Variants in HEBP2 observed in about 807,000 individuals in gnomAD.
HEBP2 encodes the protein heme binding protein 2.
A neutral mutation model predicts 23.1 loss-of-function variants in HEBP2; 27 were observed. The ratio of observed to expected loss-of-function variants is 1.17; its 90% CI spans 0.86 to 1.61. The LOEUF (loss-of-function observed/expected upper bound fraction) is 1.61, where lower values mean the gene tolerates loss of function less well. HEBP2 is among the 40% of genes most tolerant of loss of function. HEBP2 has a pLI of 0.00. For synonymous variants in HEBP2, 99 were observed against 95.1 expected (o/e 1.04, Z -0.24); for missense variants, 245 against 253.8 (o/e 0.97, Z 0.24).
chr6:138,405,077 C>A (rs1302200473), intron 1 of HEBP2, 68 bp from the exon 2 acceptor site: 20 of 1,545,964 alleles, frequency 1.3e-5, no homozygotes, highest in Non-Finnish European at 1.8e-5. Context: ...ATCATGGCAC[C>A]GGTATTTTTG....
chr6:138,404,599 T>G lies in HEBP2; in HGVS notation c.102+2T>G, dbSNP rs1409529418. On this transcript the variant is annotated splice_donor_variant, in intron 1 of 3. Coordinates refer to ENST00000607197, the MANE Select transcript of HEBP2 (RefSeq NM_014320.3). LOFTEE classifies it high-confidence loss of function. ...GCCCCGGAGGACGCCGGCCCCCAGGTAGGCGCCGACTCGGGAGCGGAGGGG... is the reference window on the plus strand; with the variant it reads ...GCCCCGGAGGACGCCGGCCCCCAGGGAGGCGCCGACTCGGGAGCGGAGGGG... 1.6e-6 allele frequency: 2 copies of G among 1,275,770 alleles called. No individual in the cohort carries two copies. Among genetic ancestry groups the G allele is most frequent in the East Asian group, 6.3e-5 (2 of 31,756 alleles). 79.0% of individuals were successfully genotyped at this position (1,275,770 alleles called of 1,614,324 possible). A position where few individuals can be genotyped will look rare whatever the true frequency, so the allele number is the denominator to read the frequency against.
Position 138,405,239 on chromosome 6 carries a change from T to G in HEBP2, c.197T>G (p.Phe66Cys), listed in dbSNP as rs754550383. Reference sequence around the variant, plus strand: ...TGGGATTCAGCCATCCAGACGGGCTTTACGAAACTGAACAGCTACATTCAA... The same window carrying G: ...TGGGATTCAGCCATCCAGACGGGCTGTACGAAACTGAACAGCTACATTCAA... ...MDWDSAIQTG[F>C]TKLNSYIQGK... The change falls in exon 2 of 4, where the codon TTT (phenylalanine) becomes TGT (cysteine). Residue 66 changes from phenylalanine to cysteine, a missense_variant. By Grantham distance (205) the Phe-to-Cys change is radical. Transcript: ENST00000607197. 1 of 1,614,154 alleles carries G rather than the reference T, an allele frequency of 6.2e-7. No individual in the cohort carries two copies. The highest frequency in any genetic ancestry group is 1.1e-5 in the South Asian group (1 of 91,074).
intron 1 of HEBP2, among the ~76,000 whole-genome samples, 186 bp from the exon 2 acceptor site, chr6:138,404,959 G>A (rs1774614462): frequency 6.6e-6 from 1 of 152,090 alleles, no homozygotes. Flanking sequence ...TAATCGCAAG[G>A]AGGGGAACCT....
At position 138,417,131 on chromosome 6, in the gene HEBP2, T is replaced by A. The variant is rs1487415445; in HGVS notation, c.*4053T>A. 6.6e-6 allele frequency: 1 copy of A among 152,190 alleles called. No homozygotes were observed. Among genetic ancestry groups the A allele is most frequent in the Non-Finnish European group, 1.5e-5 (1 of 68,028 alleles). The allele number at this position is 152,190 out of a possible 1,614,324, so 9.4% of individuals were successfully genotyped here. A position where few individuals can be genotyped will look rare whatever the true frequency, so the allele number is the denominator to read the frequency against. On this transcript the variant is annotated 3_prime_UTR_variant, in exon 4 of 4. Coordinates refer to ENST00000607197, the MANE Select transcript of HEBP2 (RefSeq NM_014320.3). Reference sequence around the variant, plus strand: ...TCCTCCTCCCATTAAAATGGGAGCATACAGAGGTTAGAAAGTAAACGTAGT... The same window carrying A: ...TCCTCCTCCCATTAAAATGGGAGCAAACAGAGGTTAGAAAGTAAACGTAGT...
In HEBP2 at chr6:138,413,179, A is replaced by G; in HGVS notation, c.*101A>G. On this transcript the variant is annotated 3_prime_UTR_variant, in exon 4 of 4. Transcript: ENST00000607197. ...AGTGCGTGTCTAGTGTCTTCTATTG[A>G]GAGTACTACTATTAATTAAGCTTAT... The G allele has an allele frequency of 1.2e-6, 1 of 838,278 alleles. No individual in the cohort carries two copies. Among genetic ancestry groups the G allele is most frequent in the Admixed American group, 2.4e-5 (1 of 40,982 alleles). 51.9% of individuals were successfully genotyped at this position (838,278 alleles called of 1,614,324 possible).
In HEBP2 at chr6:138,422,010, T is replaced by C. The variant is rs1180048418; in HGVS notation, c.*8932T>C. On this transcript the variant is annotated 3_prime_UTR_variant, in exon 4 of 4. Coordinates refer to ENST00000607197, the MANE Select transcript of HEBP2 (RefSeq NM_014320.3). ...CACCTATCTCATTATTCAAAAAAAATGCATGTATAAACAAAAAGAAATATT... is the reference window on the plus strand; with the variant it reads ...CACCTATCTCATTATTCAAAAAAAACGCATGTATAAACAAAAAGAAATATT... 1 of 152,166 alleles carries C rather than the reference T, an allele frequency of 6.6e-6. No individual in the cohort carries two copies. The highest frequency in any genetic ancestry group is 2.4e-5 in the African/African-American group (1 of 41,436). The allele number at this position is 152,166 out of a possible 1,614,324, so 9.4% of individuals were successfully genotyped here.
chr6:138,404,546 C>G lies in HEBP2; in HGVS notation c.51C>G (p.Ala17=). 7.7e-7 allele frequency: 1 copy of G among 1,304,954 alleles called. No individual in the cohort carries two copies. The highest frequency in any genetic ancestry group is 9.7e-7 in the Non-Finnish European group (1 of 1,026,404). The allele number at this position is 1,304,954 out of a possible 1,614,324, so 80.8% of individuals were successfully genotyped here. ...CCGGGGCGGCCGAGGACGCGGCGGC[C>G]CAAGCTGTGGAGACGCCGGGCTGGA... ...PDPGAAEDAA[A]QAVETPGWKA... The change falls in exon 1 of 4, where the codon GCC becomes GCG. Residue 17 remains alanine (A), a synonymous_variant. Coordinates refer to ENST00000607197, the MANE Select transcript of HEBP2 (RefSeq NM_014320.3).
rs1245280530 is a variant in HEBP2 at position 138,418,021 on chromosome 6, A to T, written c.*4943A>T. The T allele has an allele frequency of 6.6e-6, 1 of 152,218 alleles. No individual in the cohort carries two copies. Among genetic ancestry groups the T allele is most frequent in the Non-Finnish European group, 1.5e-5 (1 of 68,040 alleles). The allele number at this position is 152,218 out of a possible 1,614,324, so 9.4% of individuals were successfully genotyped here. On this transcript the variant is annotated 3_prime_UTR_variant, in exon 4 of 4. Coordinates refer to ENST00000607197, the MANE Select transcript of HEBP2 (RefSeq NM_014320.3). ...AGACAAGCCTTGGAAGGATCAAACT[A>T]ATTTCAAGAAACTTAACTGTGAATC...
At position 138,404,301 on chromosome 6, in the gene HEBP2, T is replaced by TGGTGGCGGCGCCCCCTC. The variant is rs1774592181; in HGVS notation, c.-193_-177dup. 5.9e-6 allele frequency: 2 copies of TGGTGGCGGCGCCCCCTC among 339,634 alleles called. No homozygotes were observed. The highest frequency in any genetic ancestry group is 2.2e-5 in the African/African-American group (1 of 46,252). The allele number at this position is 339,634 out of a possible 1,614,324, so 21.0% of individuals were successfully genotyped here. On this transcript the variant is annotated 5_prime_UTR_variant, in exon 1 of 4. Coordinates refer to ENST00000607197, the MANE Select transcript of HEBP2 (RefSeq NM_014320.3). ...CCGGGGTCGTGAGCCGGCCCCGCCT[T>TGGTGGCGGCGCCCCCTC]GGTGGCGGCGCCCCCTCGCGGTCCA...
chr6:138,403,701 A>G (rs1774577877), upstream of HEBP2: 1 of 413,658 alleles, frequency 2.4e-6, no homozygotes, highest in Non-Finnish European at 4.3e-6. Context: ...AAGCCCTGGT[A>G]ACCAAAATTC....
At position 138,418,071 on chromosome 6, in the gene HEBP2, A is replaced by G. The variant is rs1774866835; in HGVS notation, c.*4993A>G. The G allele has an allele frequency of 2.6e-5, 4 of 152,260 alleles. No individual in the cohort carries two copies. The highest frequency in any genetic ancestry group is 2.6e-4 in the Admixed American group (4 of 15,292). The allele number at this position is 152,260 out of a possible 1,614,324, so 9.4% of individuals were successfully genotyped here. On this transcript the variant is annotated 3_prime_UTR_variant, in exon 4 of 4. Coordinates refer to ENST00000607197, the MANE Select transcript of HEBP2 (RefSeq NM_014320.3). ...CAGAATAAAACCCAATACCATTTAT[A>G]GGAATATAACAAAATCCATCAACAA... is the stretch of plus-strand genomic sequence containing the variant.
chr6:138,412,777 C>A, intron 3 of HEBP2, 103 bp from the exon 4 acceptor site: 1 of 951,678 alleles, frequency 1.1e-6, no homozygotes, highest in Non-Finnish European at 1.6e-6. Flanking sequence ...TTTGGAGCTG[C>A]ACTTCACTCA....
chr6:138,411,901 A>G (rs868446455), intron 3 of HEBP2, among the ~76,000 whole-genome samples: 1 of 152,150 alleles, frequency 6.6e-6, no homozygotes, highest in African/African-American at 2.4e-5. Context: ...CTCTGCCACC[A>G]TATTCCAGCC....
Position 138,420,884 on chromosome 6 carries a change from CCTCA to C in HEBP2, c.*7809_*7812del, listed in dbSNP as rs1331910277. The C allele has an allele frequency of 6.6e-6, 1 of 152,198 alleles. No individual in the cohort carries two copies. The highest frequency in any genetic ancestry group is 1.5e-5 in the Non-Finnish European group (1 of 68,046). The allele number at this position is 152,198 out of a possible 1,614,324, so 9.4% of individuals were successfully genotyped here. A position where few individuals can be genotyped will look rare whatever the true frequency, so the allele number is the denominator to read the frequency against. ...TCTAAACTGGCAGTAGGATCATGCC[CCTCA>C]CTGATAGCTCAACCACGTTTTCTAT... is the stretch of plus-strand genomic sequence containing the variant. On this transcript the variant is annotated 3_prime_UTR_variant, in exon 4 of 4. Coordinates refer to ENST00000607197, the MANE Select transcript of HEBP2 (RefSeq NM_014320.3).
At position 138,421,460 on chromosome 6, in the gene HEBP2, A is replaced by G. The variant is rs1774928290; in HGVS notation, c.*8382A>G. 6.6e-6 allele frequency: 1 copy of G among 152,206 alleles called. No homozygotes were observed. The highest frequency in any genetic ancestry group is 1.5e-5 in the Non-Finnish European group (1 of 68,040). The allele number at this position is 152,206 out of a possible 1,614,324, so 9.4% of individuals were successfully genotyped here. On this transcript the variant is annotated 3_prime_UTR_variant, in exon 4 of 4. Transcript: ENST00000607197. Reference sequence around the variant, plus strand: ...AGTAGGATGGCAGAAAGCAGATCGCATTGAGGTTGTTTCCAACTGACAGAC... The same window carrying G: ...AGTAGGATGGCAGAAAGCAGATCGCGTTGAGGTTGTTTCCAACTGACAGAC...
intron 3 of HEBP2, among the ~76,000 whole-genome samples, chr6:138,409,322 G>A (rs910392970): frequency 6.6e-6 from 1 of 152,186 alleles, no homozygotes; most frequent in South Asian, 2.1e-4. Flanking sequence ...AGTCAAGACA[G>A]CTTCCTGAGC....
intron 3 of HEBP2, among the ~76,000 whole-genome samples, chr6:138,411,684 G>T (rs779566084): frequency 5.3e-5 from 8 of 152,184 alleles, no homozygotes; most frequent in Non-Finnish European, 1.0e-4. Context: ...GAGGCCGGGC[G>T]TGGTGGCTTA....
chr6:138,411,672 C>CA (rs1179739066), intron 3 of HEBP2, among the ~76,000 whole-genome samples: 1 of 152,206 alleles, frequency 6.6e-6, no homozygotes, highest in Non-Finnish European at 1.5e-5. Context: ...AAACCCTTCT[C>CA]AGAGGCCGGG....
At chr6:138,407,309 G>C (rs1774665102) in intron 3 of HEBP2, among the ~76,000 whole-genome samples, 1 of 152,216 alleles carries the variant, frequency 6.6e-6, no homozygotes, top group Non-Finnish European at 1.5e-5. Flanking sequence ...AAATACAATG[G>C]TGGGACAGAC....
Sources: gnomAD v4.1 joint callset for allele counts (sites outside exome capture counted in the v4.1 genomes callset) on GRCh38, gnomAD v4.1.1 for gene constraint, MANE v1.5 for transcripts, NCBI Gene and HGNC (gene_info 2026-07-23, HGNC 2026-07-21) for gene names.